Variants in DST observed in about 807,000 individuals in gnomAD.
DST encodes bullous pemphigoid antigen.
In DST, 253 loss-of-function variants were observed where a neutral mutation model predicts 875.2. The ratio of observed to expected loss-of-function variants is 0.29; its 90% CI spans 0.26 to 0.32. DST has a LOEUF of 0.32. Among genes scored for constraint, DST ranks in the 10% least tolerant of loss-of-function variants. The pLI, the probability that DST is intolerant of heterozygous loss-of-function variation, is 1.00. For synonymous variants in DST, 3,124 were observed against 3,197.1 expected, an observed-to-expected ratio of 0.98 and a Z score of 0.77; for missense variants, 8,287 against 9,111.6, an observed-to-expected ratio of 0.91 and a Z score of 3.68.
intron 13 of DST, among the ~76,000 whole-genome samples, chr6:56,647,271 G>C (rs758017008): frequency 6.6e-6 from 1 of 152,230 alleles, no homozygotes; most frequent in Non-Finnish European, 1.5e-5. Context: ...CCACATGGTC[G>C]TTGTAGGGAA....
chr6:56,932,612 A>G (rs1260733129), intron 2 of DST, among the ~76,000 whole-genome samples: 1 of 152,130 alleles, frequency 6.6e-6, no homozygotes, highest in Non-Finnish European at 1.5e-5. Context: ...TACTCACTTA[A>G]TTCCATTCCT....
chr6:56,547,253 C>G (rs2097246850), intron 61 of DST, among the ~76,000 whole-genome samples: 1 of 152,156 alleles, frequency 6.6e-6, no homozygotes, highest in Non-Finnish European at 1.5e-5. Flanking sequence ...CACAGCAGAT[C>G]AGCTCCACCT....
intron 9 of DST, chr6:56,692,387 C>A (rs1487287418): frequency 7.9e-7 from 1 of 1,264,048 alleles, no homozygotes; most frequent in Non-Finnish European, 1.0e-6. Context: ...ATTTCACTTA[C>A]CTCATTTCCA....
chr6:56,954,660 C>G lies in DST; in HGVS notation c.-73G>C. 1 of 1,066,526 alleles carries G rather than the reference C, an allele frequency of 9.4e-7. No homozygotes were observed. 66.1% of individuals were successfully genotyped at this position (1,066,526 alleles called of 1,614,324 possible). ...GGCACAGGCACCCGCGCTGGGCGCACGCCGGGACGGCGGGCACGGGTGAGC... is the reference window on the plus strand; with the variant it reads ...GGCACAGGCACCCGCGCTGGGCGCAGGCCGGGACGGCGGGCACGGGTGAGC... On this transcript the variant is annotated 5_prime_UTR_variant, in exon 1 of 104. Coordinates refer to ENST00000680361, the MANE Select transcript of DST (RefSeq NM_001374736.1).
At chr6:56,953,673 A>T in intron 2 of DST, 112 bp downstream of exon 2, 1 of 723,026 alleles carries the variant, frequency 1.4e-6, no homozygotes. Context: ...GCTAGGGGAC[A>T]GCATGTTCGT....
At chr6:56,473,126 A>G (rs1395891905) in intron 93 of DST, among the ~76,000 whole-genome samples, 1 of 152,200 alleles carries the variant, frequency 6.6e-6, no homozygotes, top group Non-Finnish European at 1.5e-5. Context: ...TGAGGTTCAG[A>G]ATGAGTTTAA....
In DST at chr6:56,635,153, A is replaced by G. The variant is rs79577166; in HGVS notation, c.3187-200T>C. On this transcript the variant is annotated intron_variant, in intron 24 of 103. Transcript: ENST00000680361. ...TTTGGTTTTCTTTTTCCTCTTTGGCATTTACACTACCTAACATACTATACA... is the reference window on the plus strand; with the variant it reads ...TTTGGTTTTCTTTTTCCTCTTTGGCGTTTACACTACCTAACATACTATACA... Among the ~76,000 whole-genome samples the G allele has an allele frequency of 2.3e-3, 349 of 151,998 alleles. 1 individual carries two copies. Among genetic ancestry groups the G allele is most frequent in the African/African-American group, 8.1e-3 (335 of 41,438 alleles).
intron 69 of DST, 121 bp from the exon 70 acceptor site, chr6:56,517,741 T>C (rs1195278180): frequency 1.7e-6 from 2 of 1,188,362 alleles, no homozygotes. Flanking sequence ...TGTCTCCTCA[T>C]GGCATCCTAA....
chr6:56,501,602 C>G lies in DST; in HGVS notation c.19658G>C (p.Ser6553Thr). ...TGGGTCTTGAACAGTGTGTTTGTCA[C>G]TCTCTTCTGTTACTTTCTTTAGCAA... ...ELLLKKVTEESDKHTVQDPLM... is the reference protein window; with the variant it reads ...ELLLKKVTEETDKHTVQDPLM... Residue 6553 changes from serine to threonine, a missense_variant, in exon 79 of 104, where the codon AGT becomes ACT. By Grantham distance (58) the Ser-to-Thr change is moderately conservative (BLOSUM62 1). This residue lies in a region of DST where 1,292 missense variants were observed against 1,552.7 expected (regional missense o/e 0.83). Coordinates refer to ENST00000680361, the MANE Select transcript of DST (RefSeq NM_001374736.1). The G allele has an allele frequency of 6.2e-7, 1 of 1,609,196 alleles. No homozygotes were observed. Among genetic ancestry groups the G allele is most frequent in the South Asian group, 1.1e-5 (1 of 90,312 alleles).
In DST at chr6:56,610,443, A is replaced by G; in HGVS notation, c.5267T>C (p.Val1756Ala). ...TAATATTACCTTCTCCTCTACCTTT[A>G]CATCTCCTGAGGTTTGTGATTCTTG... is the stretch of plus-strand genomic sequence containing the variant. ...QLQESQTSGD[V>A]KVEEKLDKVI... The change falls in exon 39 of 104, where the codon GTA becomes GCA. Residue 1756 changes from valine to alanine, a missense_variant. Coordinates refer to ENST00000680361, the MANE Select transcript of DST (RefSeq NM_001374736.1). 1 of 1,560,556 alleles carries G rather than the reference A, an allele frequency of 6.4e-7. No homozygotes were observed.
At chr6:56,808,260 A>C (rs2153031988) in intron 4 of DST, among the ~76,000 whole-genome samples, 1 of 152,284 alleles carries the variant, frequency 6.6e-6, no homozygotes, top group East Asian at 1.9e-4. Context: ...GTTTAAAAAA[A>C]AAAAACCAAC....
chr6:56,849,630 T>C (rs1437632164), intron 4 of DST, among the ~76,000 whole-genome samples: 1 of 152,222 alleles, frequency 6.6e-6, no homozygotes, highest in Non-Finnish European at 1.5e-5. Context: ...TTCTTCAATA[T>C]CTTCCCCACC....
chr6:56,872,829 C>A (rs1389327047), intron 3 of DST, among the ~76,000 whole-genome samples: 5 of 137,838 alleles, frequency 3.6e-5, no homozygotes, highest in Admixed American at 1.4e-4. Flanking sequence ...GATTCCCCCC[C>A]CCCTTTTTTT....
intron 4 of DST, among the ~76,000 whole-genome samples, chr6:56,792,329 T>C (rs1412128293): frequency 6.6e-6 from 1 of 152,206 alleles, no homozygotes; most frequent in African/African-American, 2.4e-5. Context: ...GATCAAGGAA[T>C]ACTATTAGGT....
chr6:56,459,241 C>T lies in DST; in HGVS notation c.23221G>A (p.Gly7741Arg). The change falls in exon 104 of 104, where the codon GGA (glycine) becomes AGA (arginine). Residue 7741 changes from glycine to arginine, a missense_variant. Gly to Arg is a moderately radical substitution (Grantham distance 125, BLOSUM62 -2). This residue lies in a region of DST where 240 missense variants were observed against 237.3 expected (regional missense o/e 1.01). Transcript: ENST00000680361. Reference protein sequence around the residue: ...ADSKKTPSRPGSRAGSKAGSR... With the variant: ...ADSKKTPSRPRSRAGSKAGSR... ...CCAGCTTTGCTTCCAGCTCGACTTC[C>T]TGGTCGGCTGGGAGTCTTCTTGGAA... 6.2e-7 allele frequency: 1 copy of T among 1,612,924 alleles called. No individual in the cohort carries two copies. Among genetic ancestry groups the T allele is most frequent in the Non-Finnish European group, 8.5e-7 (1 of 1,179,400 alleles).
At position 56,615,702 on chromosome 6, in the gene DST, T is replaced by C. The variant is rs150191284; in HGVS notation, c.4930-1218A>G. ...TTTTGATCTTTGAGTTTTGTGGCAATGAGGACATCTATAATACCTACTTGG... is the reference window on the plus strand; with the variant it reads ...TTTTGATCTTTGAGTTTTGTGGCAACGAGGACATCTATAATACCTACTTGG... On this transcript the variant is annotated intron_variant, in intron 36 of 103. Coordinates refer to ENST00000680361, the MANE Select transcript of DST (RefSeq NM_001374736.1). 61,905 of 1,614,094 alleles carry C rather than the reference T, an allele frequency of 0.038. 1,495 individuals carry two copies. The highest frequency in any genetic ancestry group is 0.046 in the Non-Finnish European group (54,148 of 1,179,898).
intron 4 of DST, among the ~76,000 whole-genome samples, chr6:56,763,714 CACACACACACAT>C (rs1353809256): frequency 1.4e-5 from 2 of 148,042 alleles, no homozygotes; most frequent in East Asian, 4.1e-4. Flanking sequence ...CACACACACA[CACACACACACAT>C]ATAGGGATGG....
At chr6:56,521,918 T>C (rs2096715464) in intron 69 of DST, among the ~76,000 whole-genome samples, 1 of 152,124 alleles carries the variant, frequency 6.6e-6, no homozygotes, top group African/African-American at 2.4e-5. Flanking sequence ...TTACTACTCA[T>C]ACAAGTAAGT....
Position 56,474,042 on chromosome 6 carries a change from T to C in DST, c.21865-40A>G, listed in dbSNP as rs73749928. The C allele has an allele frequency of 1.7e-4, 267 of 1,535,744 alleles. No homozygotes were observed. In the African/African-American group the frequency reaches 3.2e-3, roughly 18 times the overall value. ...ATGATGTCAATCAAATAAGAGTTAC[T>C]ACAGAAAACCGTCTTTAGAAATGAA... is the stretch of plus-strand genomic sequence containing the variant. On this transcript the variant is annotated intron_variant, in intron 92 of 103. Coordinates refer to ENST00000680361, the MANE Select transcript of DST (RefSeq NM_001374736.1).
Sources: allele counts gnomAD v4.1 joint callset (sites outside exome capture counted in the v4.1 genomes callset), GRCh38; gene constraint gnomAD v4.1.1; regional missense constraint gnomAD v4.1.1; transcripts MANE v1.5; gene names NCBI Gene and HGNC (gene_info 2026-07-23, HGNC 2026-07-21).